Variants in BRINP3 observed in about 807,000 individuals in gnomAD.
The protein encoded by BRINP3 is BMP/retinoic acid-inducible neural-specific protein 3.
Under a neutral mutation model 71.0 loss-of-function variants are expected in BRINP3, and 19 were observed. The observed-to-expected ratio is 0.27, with a 90% CI of 0.19 to 0.39. BRINP3 has a LOEUF of 0.39. Ranked by LOEUF, BRINP3 falls within the 10% of genes least tolerant of loss-of-function variation. The pLI is 1.00. For missense variants in BRINP3, 959 were observed against 940.8 expected, an observed-to-expected ratio of 1.02 and a Z score of -0.25; for synonymous variants, 380 against 337.7, an observed-to-expected ratio of 1.13 and a Z score of -1.37.
At chr1:190,301,198 C>CATATAT (rs1390064895) in intron 2 of BRINP3, among the ~76,000 whole-genome samples, 7 of 26,738 alleles carry the variant, frequency 2.6e-4, no homozygotes, top group African/African-American at 5.7e-4. Flanking sequence ...TATATATATA[C>CATATAT]ACATACATAT....
At chr1:190,336,859 C>CT (rs1667322062) in intron 2 of BRINP3, among the ~76,000 whole-genome samples, 2 of 142,642 alleles carry the variant, frequency 1.4e-5, no homozygotes, top group South Asian at 2.4e-4. Flanking sequence ...TCCTTCCCTC[C>CT]TTCCTTCCTT....
At chr1:190,289,653 T>C (rs1269447257) in intron 2 of BRINP3, among the ~76,000 whole-genome samples, 1 of 151,998 alleles carries the variant, frequency 6.6e-6, no homozygotes, top group Non-Finnish European at 1.5e-5. Context: ...TTGTATGGAT[T>C]ACAAATTGAA....
intron 2 of BRINP3, among the ~76,000 whole-genome samples, chr1:190,426,502 A>G (rs555570036): frequency 1.3e-4 from 19 of 151,952 alleles, no homozygotes; most frequent in South Asian, 4.1e-4. Context: ...CAAATCCAAA[A>G]TGCTCCAATG....
chr1:190,455,562 T>A lies in BRINP3; in HGVS notation c.-50-622A>T, dbSNP rs138760723. ...AAAGACAGACTGATACATGAACAGATGTGTGTGTGTGAGAGTGGATGTGAG... is the reference window on the plus strand; with the variant it reads ...AAAGACAGACTGATACATGAACAGAAGTGTGTGTGTGAGAGTGGATGTGAG... On this transcript the variant is annotated intron_variant, in intron 1 of 7. Coordinates refer to ENST00000367462, the MANE Select transcript of BRINP3 (RefSeq NM_199051.3). Among the ~76,000 whole-genome samples the A allele has an allele frequency of 7.4e-4, 113 of 152,002 alleles. 1 individual carries two copies. The highest frequency in any genetic ancestry group is 2.4e-3 in the African/African-American group (100 of 41,498).
At chr1:190,126,236 T>A (rs1654076089) in intron 7 of BRINP3, among the ~76,000 whole-genome samples, 1 of 151,978 alleles carries the variant, frequency 6.6e-6, no homozygotes, top group African/African-American at 2.4e-5. Context: ...AAAAAATAAA[T>A]CATTAAAAGT....
At chr1:190,100,952 A>T (rs891810499) in intron 7 of BRINP3, among the ~76,000 whole-genome samples, 1 of 152,146 alleles carries the variant, frequency 6.6e-6, no homozygotes, top group African/African-American at 2.4e-5. Flanking sequence ...TCATGAACAG[A>T]TTAATGCCCT....
chr1:190,379,863 G>A lies in BRINP3; in HGVS notation c.236+74792C>T, dbSNP rs570029114. On this transcript the variant is annotated intron_variant, in intron 2 of 7. Transcript: ENST00000367462. ...AGATACAAAAAATTACCTGGGTGTG[G>A]TGGTGTGCACCTGTAATTCCAGCTA... 2.6e-5 allele frequency among the ~76,000 whole-genome samples: 4 copies of A among 151,778 alleles called. No homozygotes were observed. The South Asian group carries it at 8.3e-4, about 32-fold the overall frequency.
intron 3 of BRINP3, among the ~76,000 whole-genome samples, chr1:190,268,811 A>T (rs1661865986): frequency 6.6e-6 from 1 of 152,144 alleles, no homozygotes. Context: ...TAAACAGCAC[A>T]AAAAATGTGA....
chr1:190,326,584 T>G (rs1666591185), intron 2 of BRINP3, among the ~76,000 whole-genome samples: 1 of 152,076 alleles, frequency 6.6e-6, no homozygotes, highest in East Asian at 1.9e-4. Flanking sequence ...GGAACGCTGT[T>G]AGGCTAACAA....
chr1:190,164,955 T>C (rs1054166785), intron 6 of BRINP3, among the ~76,000 whole-genome samples: 1 of 152,028 alleles, frequency 6.6e-6, no homozygotes, highest in Non-Finnish European at 1.5e-5. Context: ...TATGTATGTG[T>C]TTTTTTAAAT....
At position 190,396,741 on chromosome 1, in the gene BRINP3, T is replaced by C. The variant is rs889771618; in HGVS notation, c.236+57914A>G. On this transcript the variant is annotated intron_variant, in intron 2 of 7. Transcript: ENST00000367462. ...ATATATATATATATATATATATATG[T>C]AACTAACAGATTTCTATATTATTAC... is the stretch of plus-strand genomic sequence containing the variant. Among the ~76,000 whole-genome samples, 5 of 145,300 alleles carry C rather than the reference T, an allele frequency of 3.4e-5. No individual in the cohort carries two copies. In the East Asian group the frequency reaches 1.0e-3, roughly 29 times the overall value.
intron 3 of BRINP3, among the ~76,000 whole-genome samples, chr1:190,268,774 A>T (rs1396029779): frequency 6.6e-6 from 1 of 152,118 alleles, no homozygotes; most frequent in African/African-American, 2.4e-5. Context: ...TCTAAGCATA[A>T]ATAATAATGG....
intron 6 of BRINP3, among the ~76,000 whole-genome samples, chr1:190,206,582 T>G (rs756594525): frequency 6.6e-6 from 1 of 152,080 alleles, no homozygotes. Context: ...TCGATATTAA[T>G]GAACAGTGTG....
At chr1:190,222,030 G>T (rs1408223491) in intron 6 of BRINP3, among the ~76,000 whole-genome samples, 3 of 151,746 alleles carry the variant, frequency 2.0e-5, no homozygotes, top group Admixed American at 2.0e-4. Context: ...AATCAAGAAA[G>T]AAAGAGCACA....
At position 190,401,187 on chromosome 1, in the gene BRINP3, G is replaced by A. The variant is rs1016156301; in HGVS notation, c.236+53468C>T. Reference sequence around the variant, plus strand: ...AGGCTGGCCAACATTGTGAAACCCCGTATTTACCAAAAACATGAAAATTAG... The same window carrying A: ...AGGCTGGCCAACATTGTGAAACCCCATATTTACCAAAAACATGAAAATTAG... On this transcript the variant is annotated intron_variant, in intron 2 of 7. Transcript: ENST00000367462. Among the ~76,000 whole-genome samples, 4 of 151,774 alleles carry A rather than the reference G, an allele frequency of 2.6e-5. 1 individual carries two copies. Among genetic ancestry groups the A allele is most frequent in the African/African-American group, 7.3e-5 (3 of 41,286 alleles).
At chr1:190,132,234 A>C (rs2102355928) in intron 7 of BRINP3, among the ~76,000 whole-genome samples, 1 of 152,212 alleles carries the variant, frequency 6.6e-6, no homozygotes, top group Middle Eastern at 3.4e-3. Flanking sequence ...TTACCTAGAA[A>C]CTACCTAATC....
chr1:190,315,726 T>G (rs1571725109), intron 2 of BRINP3, among the ~76,000 whole-genome samples: 1 of 152,076 alleles, frequency 6.6e-6, no homozygotes, highest in Non-Finnish European at 1.5e-5. Context: ...TTGGGTACAA[T>G]GATTGGAGGG....
intron 6 of BRINP3, among the ~76,000 whole-genome samples, chr1:190,212,573 A>C (rs945916838): frequency 7.2e-5 from 11 of 152,254 alleles, no homozygotes; most frequent in South Asian, 2.1e-4. Context: ...TGAAAAGTCA[A>C]CTGTGGCTGA....
chr1:190,347,264 C>G (rs946510719), intron 2 of BRINP3, among the ~76,000 whole-genome samples: 16 of 152,084 alleles, frequency 1.1e-4, no homozygotes, highest in African/African-American at 3.9e-4. Context: ...CCTCAGCCTC[C>G]CCAGTAGCTG....
Sources: allele counts gnomAD v4.1 joint callset (sites outside exome capture counted in the v4.1 genomes callset), GRCh38; gene constraint gnomAD v4.1.1; transcripts MANE v1.5; gene names NCBI Gene and HGNC (gene_info 2026-07-23, HGNC 2026-07-21).